The following ADGRF4 variants were observed in gnomAD, a reference collection of about 807,000 sequenced individuals.
ADGRF4 encodes the protein adhesion G protein-coupled receptor F4.
In ADGRF4, 63 loss-of-function variants were observed where a neutral mutation model predicts 58.5. That is an observed-to-expected ratio of 1.08 (90% confidence interval 0.88 to 1.33). ADGRF4 has a LOEUF of 1.33. Among genes scored for constraint, ADGRF4 ranks in the 40% most tolerant of loss-of-function variants. The pLI is 0.00. For synonymous variants in ADGRF4, 313 were observed against 295.4 expected, an observed-to-expected ratio of 1.06 and a Z score of -0.61; for missense variants, 931 against 843.9, an observed-to-expected ratio of 1.10 and a Z score of -1.28.
Position 47,715,969 on chromosome 6 carries a change from C to A in ADGRF4, c.1932+792C>A, listed in dbSNP as rs1460024522. Among the ~76,000 whole-genome samples the A allele has an allele frequency of 3.0e-5, 4 of 134,082 alleles. No individual in the cohort carries two copies. The East Asian group carries it at 7.9e-4, about 27-fold the overall frequency. The allele number at this position is 134,082 out of a possible 152,430, so 88.0% of individuals were successfully genotyped here. ...CTGTTGCATTGCTTTACAGTGAAAT[C>A]TTTGACATGAGGGATTTTTTTTTTT... On this transcript the variant is annotated intron_variant, in intron 6 of 9. Transcript: ENST00000283303.
chr6:47,717,702 G>C (rs1021211391), intron 8 of ADGRF4, among the ~76,000 whole-genome samples: 2 of 152,190 alleles, frequency 1.3e-5, no homozygotes, highest in Non-Finnish European at 2.9e-5. Context: ...TCATTTTACA[G>C]GTATGGAAAT....
intron 1 of ADGRF4, among the ~76,000 whole-genome samples, chr6:47,701,338 G>A (rs1255744918): frequency 2.0e-5 from 3 of 152,104 alleles, no homozygotes. Flanking sequence ...AGAAAGAGGC[G>A]GGTTATGGAA....
chr6:47,710,855 G>A lies in ADGRF4; in HGVS notation c.269G>A (p.Cys90Tyr). The change falls in exon 4 of 10, where the codon TGT becomes TAT. Residue 90 changes from cysteine to tyrosine, a missense_variant. Transcript: ENST00000283303. ...QKKWQKSAET[C>Y]TSLSVEKLFK... Reference sequence around the variant, plus strand: ...AAGTGGCAAAAATCAGCTGAAACATGTACAAGCCTTTCTGTGGAAAAACTC... The same window carrying A: ...AAGTGGCAAAAATCAGCTGAAACATATACAAGCCTTTCTGTGGAAAAACTC... 6.2e-7 allele frequency: 1 copy of A among 1,613,380 alleles called. No homozygotes were observed. Among genetic ancestry groups the A allele is most frequent in the Non-Finnish European group, 8.5e-7 (1 of 1,179,828 alleles).
intron 1 of ADGRF4, among the ~76,000 whole-genome samples, chr6:47,700,752 G>T (rs1002306747): frequency 6.6e-6 from 1 of 152,160 alleles, no homozygotes; most frequent in East Asian, 1.9e-4. Context: ...TTGCAAACGT[G>T]CTCACCTGAC....
intron 3 of ADGRF4, among the ~76,000 whole-genome samples, chr6:47,708,506 T>A (rs1304333116): frequency 6.6e-6 from 1 of 152,184 alleles, no homozygotes; most frequent in African/African-American, 2.4e-5. Flanking sequence ...TCTAGAATAG[T>A]AGACAAATAC....
In ADGRF4 at chr6:47,710,842, T is replaced by A; in HGVS notation, c.256T>A (p.Ser86Thr). The A allele has an allele frequency of 6.2e-7, 1 of 1,613,956 alleles. No individual in the cohort carries two copies. Among genetic ancestry groups the A allele is most frequent in the Non-Finnish European group, 8.5e-7 (1 of 1,179,958 alleles). Reference protein sequence around the residue: ...FTCNQKKWQKSAETCTSLSVE... With the variant: ...FTCNQKKWQKTAETCTSLSVE... Reference sequence around the variant, plus strand: ...ATGTAATCAAAAAAAGTGGCAAAAATCAGCTGAAACATGTACAAGCCTTTC... The same window carrying A: ...ATGTAATCAAAAAAAGTGGCAAAAAACAGCTGAAACATGTACAAGCCTTTC... Residue 86 changes from serine (S) to threonine (T), a missense_variant, in exon 4 of 10, where the codon TCA (serine) becomes ACA (threonine). Ser to Thr is a moderately conservative substitution (Grantham distance 58). Transcript: ENST00000283303.
At chr6:47,709,788 C>T (rs1319387752) in intron 3 of ADGRF4, among the ~76,000 whole-genome samples, 1 of 151,652 alleles carries the variant, frequency 6.6e-6, no homozygotes. Context: ...GATGCTTTAC[C>T]TTCTTGTTCT....
At position 47,712,546 on chromosome 6, in the gene ADGRF4, G is replaced by A; in HGVS notation, c.490G>A (p.Val164Met). 2 of 1,605,216 alleles carry A rather than the reference G, an allele frequency of 1.2e-6. No individual in the cohort carries two copies. The highest frequency in any genetic ancestry group is 2.2e-5 in the East Asian group (1 of 44,842). ...AACATCTGGAAATATTGCATTTATA[G>A]TGGAGTTATTAAAAAATATTTCTAC... ...ETTSGNIAFI[V>M]ELLKNISTDL... The change falls in exon 5 of 10, where the codon GTG becomes ATG. Residue 164 changes from valine to methionine, a missense_variant. Transcript: ENST00000283303.
At chr6:47,708,906 A>G (rs1236405917) in intron 3 of ADGRF4, among the ~76,000 whole-genome samples, 2 of 152,250 alleles carry the variant, frequency 1.3e-5, no homozygotes, top group African/African-American at 4.8e-5. Context: ...GGCATTTAAG[A>G]CAACTTGAAT....
chr6:47,710,807 T>C lies in ADGRF4; in HGVS notation c.221T>C (p.Ile74Thr), dbSNP rs554308397. ...TGTGCTAAGGACTTTCATGGAGAAA[T>C]AGGATTTACATGTAATCAAAAAAAG... ...QPCAKDFHGE[I>T]GFTCNQKKWQ... The change falls in exon 4 of 10, where the codon ATA (isoleucine) becomes ACA (threonine). Residue 74 changes from isoleucine to threonine, a missense_variant. Transcript: ENST00000283303. 5.8e-5 allele frequency: 94 copies of C among 1,613,830 alleles called. No individual in the cohort carries two copies. In the East Asian group the frequency reaches 6.0e-4, roughly 10 times the overall value.
chr6:47,708,347 G>A (rs573899877), intron 3 of ADGRF4, 69 bp downstream of exon 3: 3 of 1,212,716 alleles, frequency 2.5e-6, no homozygotes, highest in Non-Finnish European at 3.7e-6. Context: ...CACTGATGTT[G>A]CAAGCTTGTC....
chr6:47,700,964 G>A (rs1771575481), intron 1 of ADGRF4, among the ~76,000 whole-genome samples: 1 of 151,058 alleles, frequency 6.6e-6, no homozygotes, highest in Non-Finnish European at 1.5e-5. Flanking sequence ...CACTAGGTGT[G>A]GCCTAATTTC....
At position 47,704,453 on chromosome 6, in the gene ADGRF4, T is replaced by C. The variant is rs75046885; in HGVS notation, c.-16-2777T>C. On this transcript the variant is annotated intron_variant, in intron 1 of 9. Coordinates refer to ENST00000283303, the MANE Select transcript of ADGRF4 (RefSeq NM_153838.5). Reference sequence around the variant, plus strand: ...TTTGCCTTCAGCATCGGTCCTATTATTTGGTCCTGAGAATAGGTTTCTTTT... The same window carrying C: ...TTTGCCTTCAGCATCGGTCCTATTACTTGGTCCTGAGAATAGGTTTCTTTT... 4.3e-3 allele frequency among the ~76,000 whole-genome samples: 660 copies of C among 152,298 alleles called. 3 individuals carry two copies. Among genetic ancestry groups the C allele is most frequent in the African/African-American group, 0.014 (574 of 41,550 alleles).
Position 47,707,327 on chromosome 6 carries a change from A to G in ADGRF4, c.82A>G (p.Ile28Val), listed in dbSNP as rs1359637479. 9 of 1,604,618 alleles carry G rather than the reference A, an allele frequency of 5.6e-6. No individual in the cohort carries two copies. Among genetic ancestry groups the G allele is most frequent in the Non-Finnish European group, 7.7e-6 (9 of 1,171,304 alleles). The change falls in exon 2 of 10, where the codon ATT becomes GTT. Residue 28 changes from isoleucine to valine, a missense_variant. By Grantham distance (29) the Ile-to-Val change is conservative (BLOSUM62 3). Transcript: ENST00000283303. ...AGAATGTTCCCACTATAGATCCAAG[A>G]TTCACCTAAAAGTAAGTTTGATCTA... ...STECSHYRSK[I>V]HLKAGDKLQS...
rs1326747386 is a variant in ADGRF4, at chr6:47,714,702, C to G, written c.1457C>G (p.Ser486Cys). Reference protein sequence around the residue: ...VTFFSHFFYLSLFFWMLFKAL... With the variant: ...VTFFSHFFYLCLFFWMLFKAL... ...TTTTTCAGCCACTTTTTCTACCTCT[C>G]TCTGTTTTTCTGGATGCTCTTCAAA... Residue 486 changes from serine to cysteine, a missense_variant, in exon 6 of 10, where the codon TCT becomes TGT. Ser to Cys is a moderately radical substitution (Grantham distance 112). Transcript: ENST00000283303. 2 of 1,614,080 alleles carry G rather than the reference C, an allele frequency of 1.2e-6. No homozygotes were observed. Among genetic ancestry groups the G allele is most frequent in the Non-Finnish European group, 1.7e-6 (2 of 1,179,968 alleles).
Position 47,703,407 on chromosome 6 carries a change from G to A in ADGRF4, c.-16-3823G>A, listed in dbSNP as rs79115563. On this transcript the variant is annotated intron_variant, in intron 1 of 9. Coordinates refer to ENST00000283303, the MANE Select transcript of ADGRF4 (RefSeq NM_153838.5). ...AATTCTGAAAGGAGGGATCCCATTC[G>A]ACCCTTTCTGGTGAGAAGAGAACCA... is the stretch of plus-strand genomic sequence containing the variant. Among the ~76,000 whole-genome samples, 664 of 152,254 alleles carry A rather than the reference G, an allele frequency of 4.4e-3. 3 individuals carry two copies. Among genetic ancestry groups the A allele is most frequent in the African/African-American group, 0.014 (575 of 41,568 alleles).
intron 5 of ADGRF4, among the ~76,000 whole-genome samples, 197 bp from the exon 6 acceptor site, chr6:47,713,601 A>ATTT (rs141768433): frequency 6.6e-6 from 1 of 151,404 alleles, no homozygotes; most frequent in Non-Finnish European, 1.5e-5. Flanking sequence ...CTTAGCTGTG[A>ATTT]TTTTTTTTTG....
intron 1 of ADGRF4, among the ~76,000 whole-genome samples, chr6:47,704,860 A>G (rs1771670230): frequency 6.6e-6 from 1 of 152,164 alleles, no homozygotes; most frequent in Admixed American, 6.5e-5. Flanking sequence ...ACATAGATAC[A>G]TATCTATGTA....
At position 47,714,924 on chromosome 6, in the gene ADGRF4, T is replaced by C. The variant is rs1771972562; in HGVS notation, c.1679T>C (p.Leu560Ser). 1 of 1,613,684 alleles carries C rather than the reference T, an allele frequency of 6.2e-7. No individual in the cohort carries two copies. The highest frequency in any genetic ancestry group is 1.7e-4 in the Middle Eastern group (1 of 6,060). ...WLNWDNTKALLAFAIPAFVIV... is the reference protein window; with the variant it reads ...WLNWDNTKALSAFAIPAFVIV... ...AACTGGGACAATACCAAAGCCCTTT[T>C]AGCATTTGCCATCCCGGCGTTCGTC... Residue 560 changes from leucine to serine, a missense_variant, in exon 6 of 10, where the codon TTA (leucine) becomes TCA (serine). By Grantham distance (145) the Leu-to-Ser change is moderately radical. Coordinates refer to ENST00000283303, the MANE Select transcript of ADGRF4 (RefSeq NM_153838.5).
Sources: gnomAD v4.1 joint callset for allele counts (sites outside exome capture counted in the v4.1 genomes callset) on GRCh38, gnomAD v4.1.1 for gene constraint, MANE v1.5 for transcripts, NCBI Gene and HGNC (gene_info 2026-07-23, HGNC 2026-07-21) for gene names.